STRBP: variants seen among roughly 807,000 people sequenced by gnomAD.
The protein encoded by STRBP is spermatid perinuclear RNA-binding protein.
In STRBP, 13 loss-of-function variants were observed where a neutral mutation model predicts 80.1. That is an observed-to-expected ratio of 0.16 (90% CI 0.11 to 0.26). The LOEUF (loss-of-function observed/expected upper bound fraction) is 0.26, where lower values mean the gene tolerates loss of function less well. STRBP is among the 10% of genes least tolerant of loss of function. The pLI is 1.00. For missense variants in STRBP, 485 were observed against 815.2 expected, an observed-to-expected ratio of 0.59 and a Z score of 4.93; for synonymous variants, 284 against 291.2, an observed-to-expected ratio of 0.98 and a Z score of 0.25.
intron 2 of STRBP, among the ~76,000 whole-genome samples, chr9:123,215,020 T>C (rs1183064764): frequency 6.6e-6 from 1 of 152,230 alleles, no homozygotes; most frequent in Admixed American, 6.5e-5. Flanking sequence ...TAGGCAAGCA[T>C]GTAACTAAGT....
chr9:123,116,097 C>T (rs1248500187), exon 3 of STRBP: 8 of 455,994 alleles, frequency 1.8e-5, no homozygotes, highest in Non-Finnish European at 2.2e-5. Flanking sequence ...TTAACGTAGC[C>T]TCTGCAGGAA....
chr9:123,190,362 C>G (rs1222776807), intron 2 of STRBP, among the ~76,000 whole-genome samples: 2 of 151,716 alleles, frequency 1.3e-5, no homozygotes, highest in African/African-American at 4.8e-5. Context: ...CAAATCCCTT[C>G]AAATAAATTC....
chr9:123,150,074 G>A (rs1711748274), intron 11 of STRBP, among the ~76,000 whole-genome samples: 1 of 152,144 alleles, frequency 6.6e-6, no homozygotes, highest in Non-Finnish European at 1.5e-5. Context: ...AAGTAAAACA[G>A]TGAACTATTC....
intron 8 of STRBP, among the ~76,000 whole-genome samples, 199 bp from the exon 9 acceptor site, chr9:123,159,406 G>A (rs553911514): frequency 2.3e-4 from 35 of 152,088 alleles, no homozygotes; most frequent in Admixed American, 6.6e-4. Context: ...TTTTAAGATC[G>A]TATCTTCAGA....
At chr9:123,234,996 T>TA (rs1491567734) in intron 2 of STRBP, among the ~76,000 whole-genome samples, 3 of 123,638 alleles carry the variant, frequency 2.4e-5, no homozygotes, top group Non-Finnish European at 5.0e-5. Context: ...GCTTTTTTTT[T>TA]GGGGGGGGGG....
intron 1 of STRBP, among the ~76,000 whole-genome samples, chr9:123,267,196 T>G (rs1230449198): frequency 1.5e-5 from 2 of 132,292 alleles, no homozygotes; most frequent in African/African-American, 6.3e-5. Context: ...GCCCCTAACG[T>G]CCTCCAACAC....
At chr9:123,154,180 G>A (rs1232670027) in intron 11 of STRBP, among the ~76,000 whole-genome samples, 4 of 152,184 alleles carry the variant, frequency 2.6e-5, no homozygotes, top group Admixed American at 2.6e-4. Context: ...GTAAGTGGTT[G>A]TCAAAACTAA....
chr9:123,171,294 T>C (rs1445626461), intron 5 of STRBP, among the ~76,000 whole-genome samples: 2 of 152,132 alleles, frequency 1.3e-5, no homozygotes, highest in Non-Finnish European at 2.9e-5. Context: ...CTCAAAGAAG[T>C]TCTAAAAGCA....
At chr9:123,148,617 C>T (rs886401491) in intron 11 of STRBP, among the ~76,000 whole-genome samples, 4 of 152,138 alleles carry the variant, frequency 2.6e-5, no homozygotes, top group African/African-American at 7.2e-5. Flanking sequence ...TAGAAGTCCA[C>T]GTTACATCTT....
At chr9:123,212,096 G>C (rs1275334806) in intron 2 of STRBP, among the ~76,000 whole-genome samples, 1 of 152,048 alleles carries the variant, frequency 6.6e-6, no homozygotes, top group Non-Finnish European at 1.5e-5. Flanking sequence ...CCTTAATACG[G>C]ATTTTTTTCA....
chr9:123,226,345 G>T (rs2040235858), intron 2 of STRBP, among the ~76,000 whole-genome samples: 1 of 152,106 alleles, frequency 6.6e-6, no homozygotes, highest in Non-Finnish European at 1.5e-5. Context: ...CAAAAAAAAT[G>T]TATTTTACTA....
Position 123,115,952 on chromosome 9 carries a change from T to A in STRBP, c.*61A>T. On this transcript the variant is annotated 3_prime_UTR_variant and NMD_transcript_variant, in exon 3 of 4. Coordinates refer to the STRBP transcript ENST00000471564. The surrounding 1 kb of genome is among the most constrained non-coding windows in gnomAD (Gnocchi z 5.0). ...ACCTGGCAGGAGTGCCCACGTTCTC[T>A]CCAGGTCTCCTCTTCACCAGCCTTA... The A allele has an allele frequency of 2.2e-6, 1 of 454,940 alleles. No individual in the cohort carries two copies. The allele number at this position is 454,940 out of a possible 1,614,324, so 28.2% of individuals were successfully genotyped here. A position where few individuals can be genotyped will look rare whatever the true frequency, so the allele number is the denominator to read the frequency against.
chr9:123,258,752 G>T (rs1277982355), intron 1 of STRBP, among the ~76,000 whole-genome samples: 1 of 143,848 alleles, frequency 7.0e-6, no homozygotes, highest in Non-Finnish European at 1.5e-5. Context: ...AGTGAGCCAA[G>T]ATCGGGCCAC....
chr9:123,234,783 A>T (rs1193955280), intron 2 of STRBP, among the ~76,000 whole-genome samples: 1 of 151,920 alleles, frequency 6.6e-6, no homozygotes, highest in East Asian at 1.9e-4. Flanking sequence ...AAGATGGTAA[A>T]ACCCTACCTC....
intron 8 of STRBP, 31 bp from the exon 9 acceptor site, chr9:123,159,238 T>C (rs780613603): frequency 3.4e-6 from 5 of 1,465,650 alleles, no homozygotes; most frequent in African/African-American, 2.8e-5. Context: ...AATTAGTACA[T>C]GCACCAAGTG....
intron 14 of STRBP, among the ~76,000 whole-genome samples, chr9:123,137,685 G>A (rs2036418575): frequency 6.6e-6 from 1 of 152,190 alleles, no homozygotes; most frequent in African/African-American, 2.4e-5. Flanking sequence ...TGGGATTACA[G>A]GTGTGCACCA....
At chr9:123,134,970 T>C in intron 16 of STRBP, among the ~76,000 whole-genome samples, 1 of 152,222 alleles carries the variant, frequency 6.6e-6, no homozygotes, top group African/African-American at 2.4e-5. Context: ...TCTCTACCTT[T>C]TGGATCCTAG....
At position 123,161,050 on chromosome 9, in the gene STRBP, T is replaced by A; in HGVS notation, c.554A>T (p.Asp185Val). 1 of 1,600,578 alleles carries A rather than the reference T, an allele frequency of 6.2e-7. No homozygotes were observed. Among genetic ancestry groups the A allele is most frequent in the South Asian group, 1.1e-5 (1 of 88,548 alleles). ...CTGCCTGTCCAATAAGTCCGGAGGATCTTTCATCGAAACATTTTCTAACAG... is the reference window on the plus strand; with the variant it reads ...CTGCCTGTCCAATAAGTCCGGAGGAACTTTCATCGAAACATTTTCTAACAG... ...KKDGENVSMK[D>V]PPDLLDRQKC... The change falls in exon 7 of 19, where the codon GAT becomes GTT. Residue 185 changes from aspartate to valine, a missense_variant. Coordinates refer to ENST00000348403, the MANE Select transcript of STRBP (RefSeq NM_018387.5).
At chr9:123,247,534 G>C (rs2040823723) in intron 1 of STRBP, among the ~76,000 whole-genome samples, 1 of 152,144 alleles carries the variant, frequency 6.6e-6, no homozygotes, top group Admixed American at 6.6e-5. Context: ...CTCCCAAAGT[G>C]CTGGGATTAC....
Sources: allele counts gnomAD v4.1 joint callset (sites outside exome capture counted in the v4.1 genomes callset), GRCh38; gene constraint gnomAD v4.1.1; non-coding constraint Gnocchi (gnomAD v3.1); transcripts MANE v1.5; gene names NCBI Gene and HGNC (gene_info 2026-07-23, HGNC 2026-07-21).